Variants in ALK observed in about 807,000 individuals in gnomAD.
ALK encodes the protein ALK tyrosine kinase receptor.
In ALK, 74 loss-of-function variants were observed where a neutral mutation model predicts 163.1. The observed-to-expected ratio is 0.45, with a 90% confidence interval of 0.38 to 0.55. The LOEUF (loss-of-function observed/expected upper bound fraction) is 0.55. Among genes scored for constraint, ALK ranks in the 20% least tolerant of loss-of-function variants. The pLI is 0.00. For missense variants in ALK, 2,063 were observed against 2,105.3 expected (o/e 0.98, Z 0.39); for synonymous variants, 960 against 843.2 (o/e 1.14, Z -2.40).
At chr2:29,447,211 C>G (rs1670707042) in intron 4 of ALK, among the ~76,000 whole-genome samples, 1 of 152,164 alleles carries the variant, frequency 6.6e-6, no homozygotes, top group Non-Finnish European at 1.5e-5. Context: ...CTACCCCCAG[C>G]TGACCTTCCA....
chr2:29,301,261 A>C (rs1030564834), intron 8 of ALK, among the ~76,000 whole-genome samples: 20 of 151,984 alleles, frequency 1.3e-4, no homozygotes, highest in Non-Finnish European at 2.8e-4. Context: ...CCTTTTCAGG[A>C]GGCCTTTTTC....
intron 3 of ALK, among the ~76,000 whole-genome samples, chr2:29,571,850 G>T (rs534404665): frequency 4.0e-5 from 6 of 151,832 alleles, no homozygotes; most frequent in Non-Finnish European, 7.4e-5. Context: ...TCCTGACCTC[G>T]TGATCCACCT....
chr2:29,540,885 T>C (rs756201039), intron 3 of ALK, among the ~76,000 whole-genome samples: 31 of 152,102 alleles, frequency 2.0e-4, no homozygotes, highest in Non-Finnish European at 3.8e-4. Flanking sequence ...CAGCCAGTAA[T>C]ACATGAACTC....
intron 3 of ALK, among the ~76,000 whole-genome samples, chr2:29,616,365 C>T (rs1192073130): frequency 6.6e-6 from 1 of 152,166 alleles, no homozygotes; most frequent in Non-Finnish European, 1.5e-5. Flanking sequence ...GACGTGTTTG[C>T]TAAAACAAAC....
At chr2:29,705,235 AAAG>A (rs1194680609) in intron 2 of ALK, among the ~76,000 whole-genome samples, 4 of 114,166 alleles carry the variant, frequency 3.5e-5, no homozygotes, top group East Asian at 2.8e-4. Flanking sequence ...AAAGAAAAGA[AAAG>A]AAATATATAT....
At chr2:29,441,349 C>T (rs1460278241) in intron 4 of ALK, among the ~76,000 whole-genome samples, 2 of 152,204 alleles carry the variant, frequency 1.3e-5, no homozygotes, top group Admixed American at 1.3e-4. Context: ...CCTGCTAGGG[C>T]TCGGTGTCAC....
intron 3 of ALK, among the ~76,000 whole-genome samples, chr2:29,569,789 C>T (rs1490101795): frequency 1.3e-5 from 2 of 152,182 alleles, no homozygotes; most frequent in Non-Finnish European, 2.9e-5. Flanking sequence ...GGGATCCCTG[C>T]TTTCCAGTTG....
intron 5 of ALK, 127 bp downstream of exon 5, chr2:29,383,605 C>T (rs1668958066): frequency 3.9e-6 from 5 of 1,295,634 alleles, no homozygotes; most frequent in South Asian, 1.3e-5. Flanking sequence ...GTGTGAGCCA[C>T]AGCACCCAGC....
At chr2:29,522,207 A>G (rs1672833323) in intron 4 of ALK, among the ~76,000 whole-genome samples, 1 of 152,120 alleles carries the variant, frequency 6.6e-6, no homozygotes, top group African/African-American at 2.4e-5. Flanking sequence ...TACTCCTTAC[A>G]AGCTGTGCAA....
intron 4 of ALK, among the ~76,000 whole-genome samples, chr2:29,452,009 A>G (rs1670830849): frequency 6.6e-6 from 1 of 152,236 alleles, no homozygotes; most frequent in South Asian, 2.1e-4. Flanking sequence ...ATTTCAATCA[A>G]TAACAATTTA....
chr2:29,912,642 AT>A (rs1169012857), intron 1 of ALK, among the ~76,000 whole-genome samples: 13 of 152,064 alleles, frequency 8.5e-5, no homozygotes, highest in African/African-American at 3.1e-4. Flanking sequence ...ATAAAGGACT[AT>A]TTTTCTATTT....
intron 3 of ALK, among the ~76,000 whole-genome samples, chr2:29,624,787 G>A (rs1573508239): frequency 6.6e-6 from 1 of 152,184 alleles, no homozygotes; most frequent in South Asian, 2.1e-4. Context: ...ACACATAAAA[G>A]TAGGACTCAT....
In ALK at chr2:29,601,066, T is replaced by G. The variant is rs1675367432; in HGVS notation, c.953-68950A>C. Reference sequence around the variant, plus strand: ...GAAGTCCAAATAACCAGAACTGCATTTTCACACAGCTCTGCCTACATGCAG... The same window carrying G: ...GAAGTCCAAATAACCAGAACTGCATGTTCACACAGCTCTGCCTACATGCAG... On this transcript the variant is annotated intron_variant, in intron 3 of 28. Coordinates refer to ENST00000389048, the MANE Select transcript of ALK (RefSeq NM_004304.5). 2.0e-5 allele frequency among the ~76,000 whole-genome samples: 3 copies of G among 152,318 alleles called. No individual in the cohort carries two copies. The South Asian group carries it at 6.2e-4, about 32-fold the overall frequency.
chr2:29,702,954 C>G (rs1329720161), intron 2 of ALK, among the ~76,000 whole-genome samples: 1 of 152,226 alleles, frequency 6.6e-6, no homozygotes, highest in East Asian at 1.9e-4. Flanking sequence ...TCACTGATGT[C>G]TTCCAGAATA....
At chr2:29,908,566 G>T (rs1162645181) in intron 1 of ALK, among the ~76,000 whole-genome samples, 1 of 152,200 alleles carries the variant, frequency 6.6e-6, no homozygotes, top group Non-Finnish European at 1.5e-5. Flanking sequence ...ATTCTCAGCA[G>T]ATATCCTTTG....
chr2:29,553,276 T>C (rs1389689788), intron 3 of ALK, among the ~76,000 whole-genome samples: 1 of 152,156 alleles, frequency 6.6e-6, no homozygotes, highest in Non-Finnish European at 1.5e-5. Context: ...TTCTGACATC[T>C]GAAGACACAA....
At chr2:29,354,923 C>T (rs139109384) in intron 5 of ALK, among the ~76,000 whole-genome samples, 1,902 of 152,152 alleles carry the variant, frequency 0.013, 49 homozygotes, top group African/African-American at 0.044. Flanking sequence ...CCTGCCACCG[C>T]GCCTGGCTAA....
intron 4 of ALK, among the ~76,000 whole-genome samples, chr2:29,454,723 T>C (rs1017715250): frequency 1.3e-5 from 2 of 152,154 alleles, no homozygotes; most frequent in Admixed American, 1.3e-4. Flanking sequence ...AATTTTGAGA[T>C]AGTTTTATAT....
At chr2:29,816,905 C>A (rs1229251949) in intron 1 of ALK, among the ~76,000 whole-genome samples, 1 of 152,132 alleles carries the variant, frequency 6.6e-6, no homozygotes, top group African/African-American at 2.4e-5. Flanking sequence ...GGCACAGAGG[C>A]TGAGACAGGA....
Sources: gnomAD v4.1 joint callset for allele counts (sites outside exome capture counted in the v4.1 genomes callset) on GRCh38, gnomAD v4.1.1 for gene constraint, MANE v1.5 for transcripts, NCBI Gene and HGNC (gene_info 2026-07-23, HGNC 2026-07-21) for gene names.